Variants in PGM1 observed in about 807,000 individuals in gnomAD.
The protein encoded by PGM1 is phosphoglucomutase-1.
Under a neutral mutation model 55.6 loss-of-function variants are expected in PGM1, and 52 were observed. The observed-to-expected ratio is 0.94, with a 90% CI of 0.75 to 1.18. The LOEUF (loss-of-function observed/expected upper bound fraction) is 1.18, where lower values mean the gene tolerates loss of function less well. Among genes scored for constraint, PGM1 ranks in the 50% most tolerant of loss-of-function variants. PGM1 has a pLI of 0.00. For missense variants in PGM1, 724 were observed against 729.3 expected (o/e 0.99, Z 0.08); for synonymous variants, 287 against 271.7 (o/e 1.06, Z -0.55).
chr1:63,644,525 T>G (rs975724288), intron 7 of PGM1, among the ~76,000 whole-genome samples: 14 of 152,218 alleles, frequency 9.2e-5, no homozygotes, highest in African/African-American at 3.4e-4. Context: ...TTCTCCAATA[T>G]GTACAATCAA....
At chr1:63,639,536 T>C (rs1019087464) in intron 7 of PGM1, among the ~76,000 whole-genome samples, 6 of 152,002 alleles carry the variant, frequency 3.9e-5, no homozygotes, top group African/African-American at 1.4e-4. Flanking sequence ...CTCTCTTTCC[T>C]AAAAGTCTGT....
At position 63,659,635 on chromosome 1, in the gene PGM1, A is replaced by T; in HGVS notation, c.1649A>T (p.Gln550Leu). ...ISIALKVSQL[Q>L]ERTGRTAPTV... ...ATTGCTCTGAAAGTGTCCCAGCTGC[A>T]GGAGAGGACGGGACGCACTGCACCC... Residue 550 changes from glutamine (Q) to leucine (L), a missense_variant, in exon 11 of 11, where the codon CAG (glutamine) becomes CTG (leucine). Gln to Leu is a moderately radical substitution (Grantham distance 113). This residue lies in a region of PGM1 where 316 missense variants were observed against 313.1 expected (regional missense o/e 1.01). Transcript: ENST00000371084. 1 of 1,614,084 alleles carries T rather than the reference A, an allele frequency of 6.2e-7. No homozygotes were observed. The highest frequency in any genetic ancestry group is 8.5e-7 in the Non-Finnish European group (1 of 1,179,978).
Position 63,654,465 on chromosome 1 carries a change from A to T in PGM1, c.1598A>T (p.Gln533Leu). Residue 533 changes from glutamine to leucine, a missense_variant and splice_region_variant, in exon 10 of 11, where the codon CAG (glutamine) becomes CTG (leucine). Gln to Leu is a moderately radical substitution (Grantham distance 113). Coordinates refer to ENST00000371084, the MANE Select transcript of PGM1 (RefSeq NM_002633.3). ...GTTGCCAAGATTAACCAGGACCCCC[A>T]GGTAACGCCCAGCCCTGTGCCCTGG... ...KDVAKINQDP[Q>L]VMLAPLISIA... 1 of 1,613,880 alleles carries T rather than the reference A, an allele frequency of 6.2e-7. No homozygotes were observed. The highest frequency in any genetic ancestry group is 8.5e-7 in the Non-Finnish European group (1 of 1,179,796).
chr1:63,596,224 T>C (rs1254020577), intron 1 of PGM1, among the ~76,000 whole-genome samples: 2 of 137,942 alleles, frequency 1.4e-5, no homozygotes, highest in African/African-American at 6.4e-5. Context: ...CTAGGTTTCT[T>C]TCTTCTTTCT....
intron 5 of PGM1, among the ~76,000 whole-genome samples, 189 bp downstream of exon 5, chr1:63,635,208 C>T (rs1314856019): frequency 2.6e-5 from 4 of 152,136 alleles, no homozygotes; most frequent in Admixed American, 2.6e-4. Flanking sequence ...AAATGAAACC[C>T]ACACATTTAA....
intron 1 of PGM1, among the ~76,000 whole-genome samples, chr1:63,612,553 G>A (rs855300): frequency 0.12 from 18,837 of 152,064 alleles, 1,225 homozygotes; most frequent in Middle Eastern, 0.21. Flanking sequence ...TCTTTTTCTC[G>A]CTTGCATTCA....
chr1:63,603,337 A>G (rs999247598), intron 1 of PGM1, among the ~76,000 whole-genome samples: 1 of 152,190 alleles, frequency 6.6e-6, no homozygotes, highest in Non-Finnish European at 1.5e-5. Context: ...GCTGAGGATA[A>G]TGCTAATCTG....
At position 63,629,869 on chromosome 1, in the gene PGM1, G is replaced by A. The variant is rs1416656632; in HGVS notation, c.410-73G>A. The A allele has an allele frequency of 2.6e-6, 4 of 1,544,292 alleles. No homozygotes were observed. In the East Asian group the frequency reaches 9.0e-5, roughly 35 times the overall value. ...GTAGATGTGCTAGTGAAGAGGAACTGATGAGCTTTGGATTCTTTGTATTTC... is the reference window on the plus strand; with the variant it reads ...GTAGATGTGCTAGTGAAGAGGAACTAATGAGCTTTGGATTCTTTGTATTTC... On this transcript the variant is annotated intron_variant, in intron 2 of 10. Transcript: ENST00000371084.
At position 63,659,619 on chromosome 1, in the gene PGM1, A is replaced by C; in HGVS notation, c.1633A>C (p.Lys545Gln). Residue 545 changes from lysine to glutamine, a missense_variant, in exon 11 of 11, where the codon AAA becomes CAA. Around this residue, in one of 3 missense-constraint regions of PGM1, gnomAD observed 316 missense variants for 313.1 expected, o/e 1.01. Transcript: ENST00000371084. Reference protein sequence around the residue: ...MLAPLISIALKVSQLQERTGR... With the variant: ...MLAPLISIALQVSQLQERTGR... ...GGCCCCCCTTATTTCCATTGCTCTG[A>C]AAGTGTCCCAGCTGCAGGAGAGGAC... 1.9e-6 allele frequency: 3 copies of C among 1,613,992 alleles called. No homozygotes were observed. The African/African-American group carries it at 4.0e-5, about 22-fold the overall frequency.
At chr1:63,604,741 C>T (rs1221036924) in intron 1 of PGM1, among the ~76,000 whole-genome samples, 3 of 152,250 alleles carry the variant, frequency 2.0e-5, no homozygotes, top group South Asian at 4.2e-4. Context: ...GCACTCCTTT[C>T]CAGTGGAGGC....
rs770610839 is a variant in PGM1, at chr1:63,651,793, GAGA to G, written c.1408_1410del (p.Lys470del). ...AGCAAATGACAAAGTTTACACTGTG[GAGA>G]AGGCCGATAACTTTGAATACAGCGA... On this transcript the variant is annotated inframe_deletion, in exon 9 of 11. Coordinates refer to ENST00000371084, the MANE Select transcript of PGM1 (RefSeq NM_002633.3). The G allele has an allele frequency of 6.2e-7, 1 of 1,614,024 alleles. No individual in the cohort carries two copies. Among genetic ancestry groups the G allele is most frequent in the South Asian group, 1.1e-5 (1 of 91,064 alleles).
chr1:63,618,774 G>A (rs908082932), intron 1 of PGM1, among the ~76,000 whole-genome samples: 16 of 152,134 alleles, frequency 1.1e-4, no homozygotes, highest in African/African-American at 3.4e-4. Context: ...GAATACCAGC[G>A]CCAAAAGGGA....
chr1:63,642,499 T>C (rs1483722464), intron 7 of PGM1, among the ~76,000 whole-genome samples: 3 of 152,216 alleles, frequency 2.0e-5, no homozygotes, highest in African/African-American at 7.2e-5. Flanking sequence ...TACATGTTTA[T>C]ACACAATGGT....
At chr1:63,593,798 C>G (rs977361314) in intron 1 of PGM1, 64 bp downstream of exon 1, 45 of 1,467,756 alleles carry the variant, frequency 3.1e-5, no homozygotes, top group African/African-American at 5.8e-5. Context: ...CGGCCCGCGG[C>G]GCCCTCCCTC....
chr1:63,654,286 A>G lies in PGM1; in HGVS notation c.1465-46A>G, dbSNP rs759754220. Reference sequence around the variant, plus strand: ...GACCCCTCATAATTTGCCAGCCTTCAGTCTCCCAGCATTTGGGGAAAAAAA... The same window carrying G: ...GACCCCTCATAATTTGCCAGCCTTCGGTCTCCCAGCATTTGGGGAAAAAAA... On this transcript the variant is annotated intron_variant, in intron 9 of 10. Transcript: ENST00000371084. 5.6e-6 allele frequency: 9 copies of G among 1,607,090 alleles called. 1 individual carries two copies. The highest frequency in any genetic ancestry group is 2.2e-5 in the South Asian group (2 of 90,548).
In PGM1 at chr1:63,650,914, T is replaced by A. The variant is rs530076741; in HGVS notation, c.1281-755T>A. Among the ~76,000 whole-genome samples the A allele has an allele frequency of 1.5e-3, 228 of 147,640 alleles. 1 individual carries two copies. The highest frequency in any genetic ancestry group is 4.5e-3 in the African/African-American group (180 of 40,420). On this transcript the variant is annotated intron_variant, in intron 8 of 10. Transcript: ENST00000371084. ...GCAGAACTTAAAATAAAACAAAATT[T>A]AAAAAAAAAAATTGGGAGAGCATCA...
At chr1:63,594,753 C>T (rs1647992873) in intron 1 of PGM1, among the ~76,000 whole-genome samples, 1 of 140,020 alleles carries the variant, frequency 7.1e-6, no homozygotes, top group Non-Finnish European at 1.5e-5. Flanking sequence ...ACCATTCTGG[C>T]TAACACGGTG....
At chr1:63,655,322 G>A (rs540813508) in intron 10 of PGM1, among the ~76,000 whole-genome samples, 3 of 152,224 alleles carry the variant, frequency 2.0e-5, no homozygotes. Context: ...CTGGTGTTCT[G>A]CTCTGTCTGC....
In PGM1 at chr1:63,617,688, A is replaced by G. The variant is rs922076497; in HGVS notation, c.247-11737A>G. ...AGGCAGAGGTTGCAGAGATTGCACA[A>G]CTGCACTCCAGCCTGGGAGACAGAG... is the stretch of plus-strand genomic sequence containing the variant. On this transcript the variant is annotated intron_variant, in intron 1 of 10. Transcript: ENST00000371084. Among the ~76,000 whole-genome samples the G allele has an allele frequency of 6.3e-5, 9 of 142,880 alleles. No homozygotes were observed. In the Admixed American group the frequency reaches 6.7e-4, roughly 11 times the overall value. 93.7% of individuals were successfully genotyped at this position (142,880 alleles called of 152,430 possible). A position where few individuals can be genotyped will look rare whatever the true frequency, so the allele number is the denominator to read the frequency against.
Sources: allele counts gnomAD v4.1 joint callset (sites outside exome capture counted in the v4.1 genomes callset), GRCh38; gene constraint gnomAD v4.1.1; regional missense constraint gnomAD v4.1.1; transcripts MANE v1.5; gene names NCBI Gene and HGNC (gene_info 2026-07-23, HGNC 2026-07-21).